NKAIN3: variants seen among roughly 807,000 people sequenced by gnomAD.
NKAIN3 encodes sodium/potassium-transporting ATPase subunit beta-1-interacting protein 3.
Under a neutral mutation model 30.2 loss-of-function variants are expected in NKAIN3, and 25 were observed. The ratio of observed to expected loss-of-function variants is 0.83; its 90% CI spans 0.60 to 1.16. NKAIN3 has a LOEUF of 1.16. Ranked by LOEUF, NKAIN3 falls within the 50% of genes most tolerant of loss-of-function variation. The pLI is 0.00. For synonymous variants in NKAIN3, 91 were observed against 89.6 expected, an observed-to-expected ratio of 1.02 and a Z score of -0.09; for missense variants, 225 against 254.1, an observed-to-expected ratio of 0.89 and a Z score of 0.78.
chr8:62,417,794 C>A (rs1450255638), intron 1 of NKAIN3, among the ~76,000 whole-genome samples: 1 of 151,902 alleles, frequency 6.6e-6, no homozygotes. Flanking sequence ...TCTATTAAAA[C>A]CTTTTGCTTA....
intron 3 of NKAIN3, among the ~76,000 whole-genome samples, chr8:62,642,630 C>T (rs1237091614): frequency 6.6e-6 from 1 of 151,972 alleles, no homozygotes; most frequent in Non-Finnish European, 1.5e-5. Flanking sequence ...GGCAAATATA[C>T]CCACTTAATT....
At chr8:62,756,279 T>C (rs1816448726) in intron 4 of NKAIN3, among the ~76,000 whole-genome samples, 1 of 152,138 alleles carries the variant, frequency 6.6e-6, no homozygotes, top group Non-Finnish European at 1.5e-5. Flanking sequence ...AAACTACTAA[T>C]CTAATTTCTG....
In NKAIN3 at chr8:62,965,962, T is replaced by A. The variant is rs1823699740; in HGVS notation, c.*555T>A. 2.3e-5 allele frequency: 23 copies of A among 984,970 alleles called. No homozygotes were observed. In the South Asian group the frequency reaches 8.9e-4, roughly 38 times the overall value. The allele number at this position is 984,970 out of a possible 1,614,324, so 61.0% of individuals were successfully genotyped here. A position where few individuals can be genotyped will look rare whatever the true frequency, so the allele number is the denominator to read the frequency against. On this transcript the variant is annotated 3_prime_UTR_variant, in exon 7 of 7. Coordinates refer to ENST00000623646, the MANE Select transcript of NKAIN3 (RefSeq NM_001304533.3). ...AACAAAACATGGAGTCCTCCTTTGTTCCTGACTTCTTAAAACCCAGAACGA... is the reference window on the plus strand; with the variant it reads ...AACAAAACATGGAGTCCTCCTTTGTACCTGACTTCTTAAAACCCAGAACGA...
chr8:62,385,801 T>C (rs1265073894), intron 1 of NKAIN3, among the ~76,000 whole-genome samples: 1 of 152,216 alleles, frequency 6.6e-6, no homozygotes, highest in East Asian at 1.9e-4. Flanking sequence ...TGCAGTGTTT[T>C]GGTCTGGCTT....
chr8:62,729,035 A>AAAAAAAAACAAAAC (rs1344781585), intron 3 of NKAIN3, among the ~76,000 whole-genome samples: 21 of 110,236 alleles, frequency 1.9e-4, no homozygotes, highest in African/African-American at 8.8e-4. Context: ...AAAAAAAAAA[A>AAAAAAAAACAAAAC]AAAACAAAAA....
rs1372521035 is a variant in NKAIN3 at position 62,402,300 on chromosome 8, A to G, written c.54+153173A>G. On this transcript the variant is annotated intron_variant, in intron 1 of 6. Transcript: ENST00000623646. ...GGTGGTAAATGCTTCCAGGCCTGGA[A>G]CTCTCTTTTCAGAGCAGTGGACTCC... 2.6e-5 allele frequency among the ~76,000 whole-genome samples: 4 copies of G among 151,934 alleles called. No homozygotes were observed. The East Asian group carries it at 7.7e-4, about 29-fold the overall frequency.
At chr8:62,684,759 G>A (rs1032816717) in intron 3 of NKAIN3, among the ~76,000 whole-genome samples, 1 of 152,256 alleles carries the variant, frequency 6.6e-6, no homozygotes, top group South Asian at 2.1e-4. Flanking sequence ...TCATTGGGGT[G>A]GGCCCTAATC....
intron 3 of NKAIN3, among the ~76,000 whole-genome samples, chr8:62,590,788 A>G (rs568638337): frequency 6.6e-6 from 1 of 151,886 alleles, no homozygotes; most frequent in Non-Finnish European, 1.5e-5. Flanking sequence ...ATTTTTCCAG[A>G]GCCTCCAGAG....
intron 1 of NKAIN3, among the ~76,000 whole-genome samples, chr8:62,539,591 GT>G (rs1346277107): frequency 6.6e-6 from 1 of 152,112 alleles, no homozygotes; most frequent in African/African-American, 2.4e-5. Flanking sequence ...TTGTTTGTTT[GT>G]TTGTTTGTTT....
At chr8:62,574,560 C>T (rs1810047844) in intron 1 of NKAIN3, among the ~76,000 whole-genome samples, 1 of 152,100 alleles carries the variant, frequency 6.6e-6, no homozygotes, top group Non-Finnish European at 1.5e-5. Flanking sequence ...CAGCGTGGCA[C>T]TGGCATAAAA....
intron 1 of NKAIN3, among the ~76,000 whole-genome samples, chr8:62,574,206 T>C (rs895305518): frequency 1.3e-5 from 2 of 152,194 alleles, no homozygotes; most frequent in African/African-American, 4.8e-5. Flanking sequence ...AATGACAGGA[T>C]ACAAATGACA....
chr8:62,359,600 C>G (rs1004908948), intron 1 of NKAIN3, among the ~76,000 whole-genome samples: 5 of 152,182 alleles, frequency 3.3e-5, no homozygotes, highest in Admixed American at 6.5e-5. Flanking sequence ...CAATGGCTGT[C>G]ATCCACCAAC....
chr8:62,382,988 T>C (rs117238305), intron 1 of NKAIN3, among the ~76,000 whole-genome samples: 2,898 of 152,284 alleles, frequency 0.019, 43 homozygotes, highest in Non-Finnish European at 0.03. Context: ...TCTTCCATAG[T>C]GTTGACAATC....
chr8:62,374,546 T>C (rs189594548), intron 1 of NKAIN3, among the ~76,000 whole-genome samples: 1 of 152,232 alleles, frequency 6.6e-6, no homozygotes, highest in South Asian at 2.1e-4. Flanking sequence ...TGCTTCTATG[T>C]TTCAACTGTG....
chr8:62,811,075 C>T lies in NKAIN3; in HGVS notation c.471+63946C>T, dbSNP rs186979386. 7.9e-5 allele frequency among the ~76,000 whole-genome samples: 12 copies of T among 152,232 alleles called. No individual in the cohort carries two copies. The East Asian group carries it at 2.1e-3, about 27-fold the overall frequency. On this transcript the variant is annotated intron_variant, in intron 4 of 6. Coordinates refer to ENST00000623646, the MANE Select transcript of NKAIN3 (RefSeq NM_001304533.3). ...TTTCCTTCCCAACCCCACCCTTGAT[C>T]TCTGACAATCCCTACTCTGTTCTCT...
intron 1 of NKAIN3, among the ~76,000 whole-genome samples, chr8:62,398,323 C>T (rs773391147): frequency 6.6e-6 from 1 of 152,184 alleles, no homozygotes; most frequent in Non-Finnish European, 1.5e-5. Context: ...ACATCCTTTG[C>T]CACCTATAGT....
chr8:62,860,349 C>A (rs1175075166), intron 4 of NKAIN3, among the ~76,000 whole-genome samples: 1 of 152,182 alleles, frequency 6.6e-6, no homozygotes, highest in Non-Finnish European at 1.5e-5. Flanking sequence ...TCCCTCTGAG[C>A]CATCACCTTT....
intron 5 of NKAIN3, among the ~76,000 whole-genome samples, chr8:62,947,668 G>A (rs868824217): frequency 2.6e-5 from 4 of 152,154 alleles, no homozygotes; most frequent in African/African-American, 7.2e-5. Context: ...CATAGAAGGC[G>A]ACACAGCTTC....
At chr8:62,815,828 A>G (rs1374765946) in intron 4 of NKAIN3, among the ~76,000 whole-genome samples, 2 of 151,878 alleles carry the variant, frequency 1.3e-5, no homozygotes, top group African/African-American at 4.9e-5. Flanking sequence ...GAAGTTTTCA[A>G]TTGCATTCTT....
Sources: gnomAD v4.1 joint callset for allele counts (sites outside exome capture counted in the v4.1 genomes callset) on GRCh38, gnomAD v4.1.1 for gene constraint, MANE v1.5 for transcripts, NCBI Gene and HGNC (gene_info 2026-07-23, HGNC 2026-07-21) for gene names.